The following COL6A3 variants were observed in gnomAD, a reference collection of about 807,000 sequenced individuals.
COL6A3 encodes collagen alpha-3(VI) chain.
Under a neutral mutation model 274.1 loss-of-function variants are expected in COL6A3, and 137 were observed. The observed-to-expected ratio is 0.50, with a 90% CI of 0.44 to 0.58. The LOEUF (loss-of-function observed/expected upper bound fraction) is 0.58. Ranked by LOEUF, COL6A3 falls within the 20% of genes least tolerant of loss-of-function variation. COL6A3 has a pLI of 0.00. For missense variants in COL6A3, 3,950 were observed against 4,124.9 expected, an observed-to-expected ratio of 0.96 and a Z score of 1.16; for synonymous variants, 1,650 against 1,650.6, an observed-to-expected ratio of 1.00 and a Z score of 0.01.
Position 237,361,025 on chromosome 2 carries a change from A to G in COL6A3, c.6210+96T>C, listed in dbSNP as rs2077424285. 1 of 1,035,312 alleles carries G rather than the reference A, an allele frequency of 9.7e-7. No individual in the cohort carries two copies. Among genetic ancestry groups the G allele is most frequent in the South Asian group, 1.3e-5 (1 of 78,870 alleles). The allele number at this position is 1,035,312 out of a possible 1,614,324, so 64.1% of individuals were successfully genotyped here. ...TTTTTCTCCCAAAGGGAAAGCCATCAGCAACTGAACAAATGATGAAATCCA... is the reference window on the plus strand; with the variant it reads ...TTTTTCTCCCAAAGGGAAAGCCATCGGCAACTGAACAAATGATGAAATCCA... On this transcript the variant is annotated intron_variant, in intron 16 of 43. Coordinates refer to ENST00000295550, the MANE Select transcript of COL6A3 (RefSeq NM_004369.4). This position sits in a 1 kb window ranked among gnomAD's most constrained non-coding sequence, Gnocchi z 5.1.
At chr2:237,345,270 C>T (rs2077075236) in intron 32 of COL6A3, 57 bp from the exon 33 acceptor site, 3 of 1,564,896 alleles carry the variant, frequency 1.9e-6, no homozygotes, top group Non-Finnish European at 2.6e-6. Context: ...TTCGAATAAA[C>T]AGGCTTTGGC....
At chr2:237,325,531 A>C in intron 43 of COL6A3, 29 bp downstream of exon 43, 1 of 1,613,326 alleles carries the variant, frequency 6.2e-7, no homozygotes, top group Non-Finnish European at 8.5e-7. Flanking sequence ...TATTTGCAGA[A>C]GCCATAAACA....
Position 237,413,850 on chromosome 2 carries a change from T to C in COL6A3, c.-31+103A>G, listed in dbSNP as rs974223854. 1.5e-4 allele frequency: 23 copies of C among 152,184 alleles called. No individual in the cohort carries two copies. The highest frequency in any genetic ancestry group is 9.8e-4 in the Admixed American group (15 of 15,284). The allele number at this position is 152,184 out of a possible 1,614,324, so 9.4% of individuals were successfully genotyped here. On this transcript the variant is annotated intron_variant, in intron 1 of 43. Transcript: ENST00000295550. This position sits in a 1 kb window ranked among gnomAD's most constrained non-coding sequence, Gnocchi z 4.0. ...ATGTACAGAAAACTGGCGATCAGCA[T>C]GAACGTAAGAGCCACTAACGCTACC...
chr2:237,350,164 C>T lies in COL6A3; in HGVS notation c.6862G>A (p.Gly2288Ser), dbSNP rs2077176237. Residue 2288 changes from glycine (G) to serine (S), a missense_variant, in exon 28 of 44, where the codon GGC becomes AGC. Physicochemically the swap from Gly to Ser is moderately conservative, Grantham distance 56. Coordinates refer to ENST00000295550, the MANE Select transcript of COL6A3 (RefSeq NM_004369.4). ...GACCTTACCGTCTCCCCACGAGGGC[C>T]CCGGTTCCCGATTCCTCCTTTTGGT... ...PGPKGGIGNR[G>S]PRGETGDDGR... 6.2e-7 allele frequency: 1 copy of T among 1,614,024 alleles called. No homozygotes were observed. The highest frequency in any genetic ancestry group is 1.3e-5 in the African/African-American group (1 of 74,910).
intron 36 of COL6A3, chr2:237,343,678 T>C (rs990108913): frequency 6.4e-6 from 1 of 156,504 alleles, no homozygotes; most frequent in Non-Finnish European, 1.4e-5. Context: ...CACAGTGGTG[T>C]GGTGTAGATT....
rs778681864 is a variant in COL6A3, at chr2:237,379,186, G to T, written c.1947C>A (p.Asn649Lys). The change falls in exon 6 of 44, where the codon AAC becomes AAA. Residue 649 changes from asparagine (N) to lysine (K), a missense_variant. Asn to Lys is a moderately conservative substitution (Grantham distance 94). Around this residue, in one of 5 missense-constraint regions of COL6A3, gnomAD observed 1,934 missense variants for 1,984.3 expected, o/e 0.97. Transcript: ENST00000295550. ...DIIFLLDGSA[N>K]VGKTNFPYVR... ...CATAAGGGAAATTGGTTTTTCCAAC[G>T]TTGGCTGATCCATCCAAAAGAAAGA... The T allele has an allele frequency of 1.9e-6, 3 of 1,614,188 alleles. No individual in the cohort carries two copies. The highest frequency in any genetic ancestry group is 2.5e-6 in the Non-Finnish European group (3 of 1,180,014).
At chr2:237,404,726 G>A (rs1024760011) in intron 1 of COL6A3, among the ~76,000 whole-genome samples, 1 of 152,240 alleles carries the variant, frequency 6.6e-6, no homozygotes, top group East Asian at 1.9e-4. Context: ...TGAATCCACT[G>A]ATTCTGTCAC....
rs35879189 is a variant in COL6A3, at chr2:237,336,220, T to TGCAGCA, written c.8874_8879dup (p.Ala2959_Ala2960dup). ...CCTCAGGCTTGGTCGCCACTGGTTTTGCAGCAGCAGCAGCGGGGGGTCTTA... is the reference window on the plus strand; with the variant it reads ...CCTCAGGCTTGGTCGCCACTGGTTTTGCAGCAGCAGCAGCAGCAGCGGGGGGTCTTA... On this transcript the variant is annotated inframe_insertion, in exon 40 of 44. Transcript: ENST00000295550. The TGCAGCA allele has an allele frequency of 6.2e-7, 1 of 1,613,948 alleles. No homozygotes were observed. The highest frequency in any genetic ancestry group is 8.5e-7 in the Non-Finnish European group (1 of 1,179,974).
chr2:237,375,770 T>C (rs2077822458), intron 7 of COL6A3, among the ~76,000 whole-genome samples: 1 of 152,224 alleles, frequency 6.6e-6, no homozygotes, highest in South Asian at 2.1e-4. Context: ...CTCCAACTCC[T>C]GACCTCAGGC....
In COL6A3 at chr2:237,358,521, C is replaced by A; in HGVS notation, c.6471G>T (p.Pro2157=). The A allele has an allele frequency of 6.2e-7, 1 of 1,613,490 alleles. No homozygotes were observed. Among genetic ancestry groups the A allele is most frequent in the Non-Finnish European group, 8.5e-7 (1 of 1,179,454 alleles). ...ERGDVGIRGD[P]GNPGQDSQER... ...AAATCGTCAATAAAGAAATCTTTACCGGGTCCCCTCGAATCCCAACATCTC... is the reference window on the plus strand; with the variant it reads ...AAATCGTCAATAAAGAAATCTTTACAGGGTCCCCTCGAATCCCAACATCTC... Residue 2157 remains proline, a splice_region_variant and synonymous_variant, in exon 21 of 44, where the codon CCG becomes CCT. Transcript: ENST00000295550.
rs774436034 is a variant in COL6A3 at position 237,334,809 on chromosome 2, C to G, written c.9046G>C (p.Gly3016Arg). Residue 3016 changes from glycine (G) to arginine (R), a missense_variant, in exon 41 of 44, where the codon GGT becomes CGT. Gly to Arg is a moderately radical substitution (Grantham distance 125). Coordinates refer to ENST00000295550, the MANE Select transcript of COL6A3 (RefSeq NM_004369.4). ...ACGGTGAGGTCATAAAAATAAGGAC[C>G]GGGGGGCTCAGCCCTCTCCCAGTGG... ...KLHWERAEPP[G>R]PYFYDLTVTS... 5.3e-5 allele frequency: 85 copies of G among 1,613,932 alleles called. No individual in the cohort carries two copies. The highest frequency in any genetic ancestry group is 7.1e-5 in the Non-Finnish European group (84 of 1,179,998).
intron 1 of COL6A3, among the ~76,000 whole-genome samples, chr2:237,409,534 TTTG>T (rs907144254): frequency 1.4e-5 from 2 of 142,550 alleles, no homozygotes; most frequent in African/African-American, 6.1e-5. Flanking sequence ...TTTTGTTTTT[TTTG>T]TTTGTTTGTT....
At chr2:237,362,600 T>C (rs7601288) in intron 14 of COL6A3, among the ~76,000 whole-genome samples, 2,307 of 152,296 alleles carry the variant, frequency 0.015, 54 homozygotes, top group African/African-American at 0.052. Context: ...TGCAAAGAAG[T>C]ATGGAAGAAA....
intron 1 of COL6A3, among the ~76,000 whole-genome samples, chr2:237,409,694 G>A (rs1489607620): frequency 2.0e-5 from 3 of 152,146 alleles, no homozygotes; most frequent in Non-Finnish European, 2.9e-5. Flanking sequence ...ATCATAGCTT[G>A]TGTGAATTTT....
intron 24 of COL6A3, 27 bp downstream of exon 24, chr2:237,354,872 C>A: frequency 1.2e-6 from 2 of 1,610,548 alleles, no homozygotes; most frequent in Non-Finnish European, 1.7e-6. Context: ...TGAAGAGAGT[C>A]TCCAGGGGGC....
intron 3 of COL6A3, among the ~76,000 whole-genome samples, chr2:237,392,631 G>A (rs1327085432): frequency 2.6e-5 from 4 of 152,230 alleles, no homozygotes; most frequent in African/African-American, 7.2e-5. Flanking sequence ...CCTATGCCAT[G>A]TGGTTGCCCA....
chr2:237,348,450 C>T, intron 29 of COL6A3, 66 bp from the exon 30 acceptor site: 1 of 1,451,560 alleles, frequency 6.9e-7, no homozygotes, highest in Non-Finnish European at 9.6e-7. Flanking sequence ...ATAAATTGAC[C>T]TTGAAAGAAA....
chr2:237,388,312 G>A, intron 3 of COL6A3, 128 bp from the exon 4 acceptor site: 1 of 1,148,254 alleles, frequency 8.7e-7, no homozygotes, highest in Non-Finnish European at 1.3e-6. Context: ...CAAAACACAT[G>A]TTGATGAAGG....
At chr2:237,353,456 C>A (rs551553738) in intron 24 of COL6A3, 53 bp from the exon 25 acceptor site, 3 of 1,490,676 alleles carry the variant, frequency 2.0e-6, no homozygotes, top group Non-Finnish European at 2.8e-6. Flanking sequence ...CTGTCAATGT[C>A]AGCTCTTTGC....
Sources: allele counts gnomAD v4.1 joint callset (sites outside exome capture counted in the v4.1 genomes callset), GRCh38; gene constraint gnomAD v4.1.1; regional missense constraint gnomAD v4.1.1; non-coding constraint Gnocchi (gnomAD v3.1); transcripts MANE v1.5; gene names NCBI Gene and HGNC (gene_info 2026-07-23, HGNC 2026-07-21).